Variants in ZCWPW2 observed in about 807,000 individuals in gnomAD.
ZCWPW2 encodes zinc finger CW-type PWWP domain protein 2.
Under a neutral mutation model 46.6 loss-of-function variants are expected in ZCWPW2, and 45 were observed. The observed-to-expected ratio is 0.96, with a 90% CI of 0.76 to 1.24. The LOEUF (loss-of-function observed/expected upper bound fraction) is 1.24, where lower values mean the gene tolerates loss of function less well. Among genes scored for constraint, ZCWPW2 ranks in the 50% most tolerant of loss-of-function variants. The pLI, the probability that ZCWPW2 is intolerant of heterozygous loss-of-function variation, is 0.00. For synonymous variants in ZCWPW2, 152 were observed against 137.1 expected, an observed-to-expected ratio of 1.11 and a Z score of -0.76; for missense variants, 429 against 403.9, an observed-to-expected ratio of 1.06 and a Z score of -0.53.
At chr3:28,387,110 G>A (rs1349611597) in intron 1 of ZCWPW2, among the ~76,000 whole-genome samples, 1 of 152,150 alleles carries the variant, frequency 6.6e-6, no homozygotes, top group African/African-American at 2.4e-5. Flanking sequence ...GCCAAAGAGA[G>A]ATTACCCTAT....
rs143930482 is a variant in ZCWPW2 at position 28,455,439 on chromosome 3, G to A, written c.492+20170G>A. On this transcript the variant is annotated intron_variant, in intron 4 of 9. Coordinates refer to ENST00000383768, the MANE Select transcript of ZCWPW2 (RefSeq NM_001040432.4). The stretch of plus-strand genomic sequence containing the variant: ...GTTTCTCCCATTCTGTAGGTTGCCT[G>A]TTTACTCTGTTGATAGTTTCTTTTG... Among the ~76,000 whole-genome samples, 436 of 152,224 alleles carry A rather than the reference G, an allele frequency of 2.9e-3. 5 individuals are homozygous for A. Among genetic ancestry groups the A allele is most frequent in the African/African-American group, 9.8e-3 (406 of 41,534 alleles).
intron 6 of ZCWPW2, among the ~76,000 whole-genome samples, chr3:28,498,822 T>C (rs901689915): frequency 6.6e-6 from 1 of 151,998 alleles, no homozygotes; most frequent in African/African-American, 2.4e-5. Flanking sequence ...CCAACAGGCC[T>C]CAGTGTGTGA....
chr3:28,468,659 A>G (rs1352808130), intron 4 of ZCWPW2, among the ~76,000 whole-genome samples: 1 of 152,236 alleles, frequency 6.6e-6, no homozygotes, highest in Non-Finnish European at 1.5e-5. Flanking sequence ...AGAGAGTGGC[A>G]TGACATATTT....
At position 28,439,047 on chromosome 3, in the gene ZCWPW2, T is replaced by C. The variant is rs1697612311; in HGVS notation, c.492+3778T>C. On this transcript the variant is annotated intron_variant, in intron 4 of 9. Coordinates refer to ENST00000383768, the MANE Select transcript of ZCWPW2 (RefSeq NM_001040432.4). ...ATATATATATCCTAGTATATATCTA[T>C]GGTGTGTGTGTGTATATATATGTGT... 2.1e-5 allele frequency among the ~76,000 whole-genome samples: 3 copies of C among 141,886 alleles called. No homozygotes were observed. In the South Asian group the frequency reaches 6.9e-4, roughly 33 times the overall value. The allele number at this position is 141,886 out of a possible 152,430, so 93.1% of individuals were successfully genotyped here. A position where few individuals can be genotyped will look rare whatever the true frequency, so the allele number is the denominator to read the frequency against.
At chr3:28,407,538 C>T (rs1386223490) in intron 2 of ZCWPW2, among the ~76,000 whole-genome samples, 1 of 152,066 alleles carries the variant, frequency 6.6e-6, no homozygotes, top group Non-Finnish European at 1.5e-5. Flanking sequence ...CTCTTATTAT[C>T]CCCAGGTAAG....
intron 4 of ZCWPW2, among the ~76,000 whole-genome samples, chr3:28,436,614 A>G (rs1250164421): frequency 6.6e-6 from 1 of 152,088 alleles, no homozygotes; most frequent in Non-Finnish European, 1.5e-5. Flanking sequence ...AAAACTATGT[A>G]TTTTATACTA....
intron 1 of ZCWPW2, among the ~76,000 whole-genome samples, chr3:28,362,326 A>G (rs997584575): frequency 2.0e-5 from 3 of 152,158 alleles, no homozygotes; most frequent in Admixed American, 6.5e-5. Context: ...AAATAGTTCA[A>G]TAGAAGCCAC....
At chr3:28,397,899 G>A (rs1396231230) in intron 2 of ZCWPW2, 1 of 152,114 alleles carries the variant, frequency 6.6e-6, no homozygotes, top group African/African-American at 2.4e-5. Context: ...AACTAGTAAT[G>A]CTTATTTCTG....
intron 1 of ZCWPW2, among the ~76,000 whole-genome samples, chr3:28,352,163 C>CAG: frequency 6.8e-6 from 1 of 147,768 alleles, no homozygotes; most frequent in Admixed American, 6.9e-5. Flanking sequence ...CACACACACA[C>CAG]ACACGAGAGA....
intron 9 of ZCWPW2, among the ~76,000 whole-genome samples, chr3:28,523,656 C>T (rs1191503884): frequency 1.3e-5 from 2 of 152,046 alleles, no homozygotes; most frequent in Non-Finnish European, 2.9e-5. Flanking sequence ...TGGATTATCT[C>T]AGGCATTTAC....
At chr3:28,368,725 G>A (rs1434795784) in intron 1 of ZCWPW2, among the ~76,000 whole-genome samples, 2 of 152,190 alleles carry the variant, frequency 1.3e-5, no homozygotes. Flanking sequence ...GATTGGGGAA[G>A]TTCTCCTGGA....
chr3:28,395,877 T>A (rs989498756), intron 2 of ZCWPW2, among the ~76,000 whole-genome samples: 4 of 152,132 alleles, frequency 2.6e-5, no homozygotes, highest in Non-Finnish European at 5.9e-5. Flanking sequence ...CGCTAAAATA[T>A]TAGGTCTTAA....
Position 28,515,487 on chromosome 3 carries a change from C to A in ZCWPW2, c.717-67C>A, listed in dbSNP as rs549208660. 12 of 1,166,788 alleles carry A rather than the reference C, an allele frequency of 1.0e-5. No individual in the cohort carries two copies. The South Asian group carries it at 1.2e-4, about 12-fold the overall frequency. The allele number at this position is 1,166,788 out of a possible 1,614,324, so 72.3% of individuals were successfully genotyped here. On this transcript the variant is annotated intron_variant, in intron 7 of 9. Transcript: ENST00000383768. ...TAATCTACAGTTACCAATGAATAGG[C>A]ACAAATGGTCATTTAAATATTCATG...
intron 6 of ZCWPW2, among the ~76,000 whole-genome samples, chr3:28,509,335 T>C (rs1337390209): frequency 6.6e-6 from 1 of 152,156 alleles, no homozygotes; most frequent in African/African-American, 2.4e-5. Context: ...TTTTCTTGGG[T>C]ATATACCTAG....
chr3:28,423,331 G>T (rs1696871455), intron 3 of ZCWPW2, among the ~76,000 whole-genome samples: 1 of 140,560 alleles, frequency 7.1e-6, no homozygotes, highest in Admixed American at 7.1e-5. Context: ...TTTAGATTTT[G>T]CTCCCAGCAG....
chr3:28,451,475 G>A (rs989143013), intron 4 of ZCWPW2, among the ~76,000 whole-genome samples: 2 of 152,110 alleles, frequency 1.3e-5, no homozygotes, highest in Non-Finnish European at 2.9e-5. Context: ...TCTCACATTT[G>A]TACCTACAAT....
At chr3:28,439,043 T>TC (rs77778817) in intron 4 of ZCWPW2, among the ~76,000 whole-genome samples, 149,404 of 149,424 alleles carry the variant, frequency 1, 74,692 homozygotes, top group Middle Eastern at 1. Context: ...CTAGTATATA[T>TC]CTATGGTGTG....
intron 4 of ZCWPW2, among the ~76,000 whole-genome samples, chr3:28,437,241 T>C (rs570059613): frequency 6.6e-6 from 1 of 152,310 alleles, no homozygotes; most frequent in Non-Finnish European, 1.5e-5. Flanking sequence ...AGAATGATAG[T>C]CATGTATAAT....
At chr3:28,454,258 T>G (rs1293197765) in intron 4 of ZCWPW2, among the ~76,000 whole-genome samples, 4 of 152,328 alleles carry the variant, frequency 2.6e-5, no homozygotes, top group Non-Finnish European at 5.9e-5. Context: ...ACATATATAT[T>G]GCATTAATAG....
Sources: gnomAD v4.1 joint callset for allele counts (sites outside exome capture counted in the v4.1 genomes callset) on GRCh38, gnomAD v4.1.1 for gene constraint, MANE v1.5 for transcripts, NCBI Gene and HGNC (gene_info 2026-07-23, HGNC 2026-07-21) for gene names.